Variants in RBFOX1 observed in about 807,000 individuals in gnomAD.
RBFOX1 encodes RNA binding fox-1 homolog 1, also known as RNA binding protein fox-1 homolog 1.
RBFOX1 carries 8 observed loss-of-function variants against 57.7 expected under a neutral mutation model. That is an observed-to-expected ratio of 0.14 (90% CI 0.08 to 0.25). The LOEUF (loss-of-function observed/expected upper bound fraction) is 0.25, where lower values mean the gene tolerates loss of function less well. RBFOX1 is among the 10% of genes least tolerant of loss of function. The pLI, the probability that RBFOX1 is intolerant of heterozygous loss-of-function variation, is 1.00. For missense variants in RBFOX1, 611 were observed against 548.5 expected (o/e 1.11, Z -1.14); for synonymous variants, 326 against 222.4 (o/e 1.47, Z -4.15).
chr16:6,928,576 C>A (rs1016842634), intron 3 of RBFOX1, among the ~76,000 whole-genome samples: 4 of 152,076 alleles, frequency 2.6e-5, no homozygotes, highest in African/African-American at 7.2e-5. Context: ...ATTATAAATT[C>A]CTTGGGATCA....
chr16:6,993,449 C>A (rs924429474), intron 3 of RBFOX1, among the ~76,000 whole-genome samples: 1 of 152,144 alleles, frequency 6.6e-6, no homozygotes, highest in Non-Finnish European at 1.5e-5. Context: ...GCTGAGGGAT[C>A]CATCAGAGTG....
intron 2 of RBFOX1, among the ~76,000 whole-genome samples, chr16:6,457,617 G>A (rs984272439): frequency 6.6e-6 from 1 of 152,102 alleles, no homozygotes; most frequent in African/African-American, 2.4e-5. Flanking sequence ...GGTATTCGAA[G>A]ACCTCCCAAT....
At chr16:6,443,947 T>C (rs879258101) in intron 2 of RBFOX1, among the ~76,000 whole-genome samples, 1 of 152,144 alleles carries the variant, frequency 6.6e-6, no homozygotes, top group Admixed American at 6.6e-5. Flanking sequence ...AAAGTGATGA[T>C]TTGAACAGTG....
chr16:5,888,074 G>C (rs550463911), intron 4 of RBFOX1, among the ~76,000 whole-genome samples: 4 of 152,308 alleles, frequency 2.6e-5, no homozygotes, highest in African/African-American at 9.6e-5. Context: ...CTGCAAGATT[G>C]TGTTCCTGCT....
At chr16:5,911,170 G>A (rs538507526) in intron 4 of RBFOX1, among the ~76,000 whole-genome samples, 2 of 152,302 alleles carry the variant, frequency 1.3e-5, no homozygotes, top group African/African-American at 4.8e-5. Context: ...GGTCCTACCT[G>A]CAGACAAATC....
chr16:6,553,881 G>C (rs2097042735), intron 2 of RBFOX1, among the ~76,000 whole-genome samples: 1 of 152,136 alleles, frequency 6.6e-6, no homozygotes, highest in Admixed American at 6.5e-5. Flanking sequence ...ACCTTCCTGG[G>C]AGTCGGTTTT....
chr16:6,957,059 C>T (rs542515292), intron 3 of RBFOX1, among the ~76,000 whole-genome samples: 18 of 139,774 alleles, frequency 1.3e-4, no homozygotes, highest in African/African-American at 4.7e-4. Flanking sequence ...CAGAGCAGCC[C>T]AAGGGCTGCT....
At chr16:6,153,898 C>G (rs1321406276) in intron 1 of RBFOX1, among the ~76,000 whole-genome samples, 1 of 152,184 alleles carries the variant, frequency 6.6e-6, no homozygotes, top group Non-Finnish European at 1.5e-5. Flanking sequence ...TGAGAACATA[C>G]AATGTTTTGT....
intron 3 of RBFOX1, among the ~76,000 whole-genome samples, chr16:6,816,511 G>A (rs147704411): frequency 2.5e-4 from 38 of 151,536 alleles, no homozygotes; most frequent in African/African-American, 8.5e-4. Context: ...GGAAGCCAAG[G>A]CGGACAGATC....
intron 4 of RBFOX1, among the ~76,000 whole-genome samples, chr16:7,151,151 G>C (rs762815990): frequency 9.9e-5 from 15 of 152,136 alleles, no homozygotes; most frequent in Non-Finnish European, 2.2e-4. Context: ...TATCCCAAAA[G>C]AAAGATGGTT....
intron 11 of RBFOX1, among the ~76,000 whole-genome samples, chr16:7,638,847 T>C (rs1378272505): frequency 6.6e-6 from 1 of 152,106 alleles, no homozygotes; most frequent in African/African-American, 2.4e-5. Context: ...TACCCATCTC[T>C]TTGTCAGGCC....
chr16:5,661,317 C>G (rs1424949370), intron 3 of RBFOX1, among the ~76,000 whole-genome samples: 3 of 152,172 alleles, frequency 2.0e-5, no homozygotes, highest in African/African-American at 7.2e-5. Context: ...GTCACCTCTG[C>G]TTTACCTACA....
At chr16:6,882,979 C>T (rs370719555) in intron 3 of RBFOX1, among the ~76,000 whole-genome samples, 28 of 152,112 alleles carry the variant, frequency 1.8e-4, no homozygotes, top group African/African-American at 6.0e-4. Context: ...ATTGCCATTT[C>T]TAAAGGTGAG....
At chr16:7,384,462 G>C (rs1194216034) in intron 4 of RBFOX1, among the ~76,000 whole-genome samples, 1 of 152,156 alleles carries the variant, frequency 6.6e-6, no homozygotes, top group African/African-American at 2.4e-5. Context: ...TTGAAGAGCT[G>C]CTTATTGCAG....
chr16:7,089,165 T>A (rs2060434150), intron 4 of RBFOX1, among the ~76,000 whole-genome samples: 1 of 152,190 alleles, frequency 6.6e-6, no homozygotes, highest in South Asian at 2.1e-4. Flanking sequence ...TTTAGTACAA[T>A]GAATTCTGGC....
chr16:6,820,498 A>C (rs1444908612), intron 3 of RBFOX1, among the ~76,000 whole-genome samples: 1 of 152,078 alleles, frequency 6.6e-6, no homozygotes, highest in Non-Finnish European at 1.5e-5. Flanking sequence ...CTACAGAAAA[A>C]GTTTTTAAAA....
At chr16:5,821,063 C>A (rs1202580805) in intron 3 of RBFOX1, among the ~76,000 whole-genome samples, 1 of 152,062 alleles carries the variant, frequency 6.6e-6, no homozygotes, top group Non-Finnish European at 1.5e-5. Flanking sequence ...GACATGCTGC[C>A]CTGAGGTGCT....
intron 1 of RBFOX1, among the ~76,000 whole-genome samples, chr16:5,289,756 A>G (rs2048056906): frequency 6.6e-6 from 1 of 152,226 alleles, no homozygotes; most frequent in Admixed American, 6.5e-5. Context: ...AAGAGAATGT[A>G]TAAATGGAGA....
chr16:5,402,787 C>T (rs1208092041), intron 1 of RBFOX1, among the ~76,000 whole-genome samples: 1 of 152,152 alleles, frequency 6.6e-6, no homozygotes, highest in Non-Finnish European at 1.5e-5. Flanking sequence ...TAGGTTGGTT[C>T]CTCTGTTTCC....
Sources: allele counts gnomAD v4.1 joint callset (sites outside exome capture counted in the v4.1 genomes callset), GRCh38; gene constraint gnomAD v4.1.1; transcripts MANE v1.5; gene names NCBI Gene and HGNC (gene_info 2026-07-23, HGNC 2026-07-21).